PCDH11X: variants seen among roughly 807,000 people sequenced by gnomAD.
PCDH11X encodes the protein protocadherin-11 X-linked.
PCDH11X carries 18 observed loss-of-function variants against 53.3 expected under a neutral mutation model. The ratio of observed to expected loss-of-function variants is 0.34; its 90% confidence interval spans 0.23 to 0.50. The LOEUF (loss-of-function observed/expected upper bound fraction) is 0.50. PCDH11X is among the 20% of genes least tolerant of loss of function. The pLI is 0.98. For missense variants in PCDH11X, 570 were observed against 1,032.4 expected, an observed-to-expected ratio of 0.55 and a Z score of 6.14; for synonymous variants, 279 against 393.3, an observed-to-expected ratio of 0.71 and a Z score of 3.44.
intron 10 of PCDH11X, among the ~76,000 whole-genome samples, chrX:92,573,866 C>A (rs1191058969): frequency 1.8e-5 from 2 of 109,344 alleles, no homozygotes; most frequent in East Asian, 5.7e-4. Flanking sequence ...ATTGAACATT[C>A]CCTATTCCAC....
chrX:92,270,418 T>C (rs143586721), intron 8 of PCDH11X, among the ~76,000 whole-genome samples: 7,852 of 111,755 alleles, frequency 0.07, 475 homozygotes, highest in East Asian at 0.28. Context: ...GCCAACTGTG[T>C]CCAGCCAAAC....
intron 9 of PCDH11X, among the ~76,000 whole-genome samples, chrX:92,412,053 GA>G (rs1487352643): frequency 8.3e-5 from 7 of 84,370 alleles, no homozygotes; most frequent in Non-Finnish European, 1.5e-4. Context: ...GGAAGAGGAA[GA>G]GGGGGAAGAG....
rs1939776790 is a variant in PCDH11X at position 91,879,229 on chromosome X, C to G, written c.2989C>G (p.Pro997Ala). The stretch of plus-strand genomic sequence containing the variant: ...CTACAGCGTTTCTGACTGTGGCTAT[C>G]CAGTGACGACCTTCGAGGTACCTGT... ...DPYSVSDCGY[P>A]VTTFEVPVSV... The change falls in exon 6 of 11, where the codon CCA (proline) becomes GCA (alanine). Residue 997 changes from proline to alanine, a missense_variant. Transcript: ENST00000682573. 8.3e-7 allele frequency: 1 copy of G among 1,211,758 alleles called. No homozygotes were observed. The highest frequency in any genetic ancestry group is 1.7e-5 in the African/African-American group (1 of 57,806).
intron 10 of PCDH11X, among the ~76,000 whole-genome samples, chrX:92,545,434 C>T (rs2074835413): frequency 1.1e-5 from 1 of 92,477 alleles, no homozygotes; most frequent in South Asian, 5.6e-4. Flanking sequence ...CGGAGTCTCG[C>T]TCTGTCACCC....
At chrX:91,984,023 G>T (rs1043438229) in intron 6 of PCDH11X, among the ~76,000 whole-genome samples, 2 of 104,787 alleles carry the variant, frequency 1.9e-5, no homozygotes, top group Non-Finnish European at 3.9e-5. Context: ...TTGCTTTTCA[G>T]TTTTTTTACT....
At chrX:92,317,037 A>G (rs1603268795) in intron 8 of PCDH11X, among the ~76,000 whole-genome samples, 1 of 111,551 alleles carries the variant, frequency 9.0e-6, no homozygotes, top group Non-Finnish European at 1.9e-5. Context: ...GTCAAGGGGG[A>G]AAAAAACAGA....
At chrX:92,408,447 A>T (rs1346847412) in intron 9 of PCDH11X, among the ~76,000 whole-genome samples, 1 of 109,625 alleles carries the variant, frequency 9.1e-6, no homozygotes, top group Non-Finnish European at 1.9e-5. Flanking sequence ...TTGCCTTGTC[A>T]AGCTCATGTA....
intron 6 of PCDH11X, among the ~76,000 whole-genome samples, chrX:92,051,665 A>G (rs2063368910): frequency 8.9e-6 from 1 of 111,774 alleles, no homozygotes. Flanking sequence ...ATTGTATGAT[A>G]TTGGTCTCAA....
intron 6 of PCDH11X, among the ~76,000 whole-genome samples, chrX:92,138,459 T>TA (rs2065119684): frequency 9.0e-6 from 1 of 111,120 alleles, no homozygotes; most frequent in South Asian, 3.7e-4. Context: ...TTCTATAATT[T>TA]AAAAATTAAA....
chrX:92,543,622 C>T (rs902404735), intron 10 of PCDH11X, among the ~76,000 whole-genome samples: 1 of 110,294 alleles, frequency 9.1e-6, no homozygotes, highest in Non-Finnish European at 1.9e-5. Flanking sequence ...TGGTGGCTCA[C>T]GCCTGTAACT....
chrX:92,276,745 C>A (rs1219662778), intron 8 of PCDH11X, among the ~76,000 whole-genome samples: 1 of 111,494 alleles, frequency 9.0e-6, no homozygotes, highest in East Asian at 2.8e-4. Context: ...TATTTAATGT[C>A]GGGAGCAGAT....
At chrX:91,801,341 AAG>A (rs1322926508) in intron 1 of PCDH11X, among the ~76,000 whole-genome samples, 12 of 110,209 alleles carry the variant, frequency 1.1e-4, no homozygotes, top group African/African-American at 4.0e-4. Context: ...GTCAACAAAA[AAG>A]AGGGTCTTGA....
At chrX:92,579,681 T>C (rs997410644) in intron 10 of PCDH11X, among the ~76,000 whole-genome samples, 9 of 111,591 alleles carry the variant, frequency 8.1e-5, no homozygotes, top group African/African-American at 2.6e-4. Flanking sequence ...TGCATTGAAT[T>C]GGAACATACG....
chrX:91,835,260 T>G (rs1937252518), intron 4 of PCDH11X: 1 of 1,029,470 alleles, frequency 9.7e-7, no homozygotes, highest in Non-Finnish European at 1.3e-6. Context: ...AGGTATCTTA[T>G]TTCATTTATC....
At position 91,792,616 on chromosome X, in the gene PCDH11X, A is replaced by G. The variant is rs554540370; in HGVS notation, c.-379+12932A>G. Among the ~76,000 whole-genome samples, 11 of 111,476 alleles carry G rather than the reference A, an allele frequency of 9.9e-5. No individual in the cohort carries two copies. The South Asian group carries it at 4.1e-3, about 42-fold the overall frequency. On this transcript the variant is annotated intron_variant, in intron 1 of 10. Transcript: ENST00000682573. Reference sequence around the variant, plus strand: ...TAATAATATGATAGGATCACAAAAGAATTAGTAAGAACTTTAAAGGAAATG... The same window carrying G: ...TAATAATATGATAGGATCACAAAAGGATTAGTAAGAACTTTAAAGGAAATG...
chrX:92,370,686 T>G lies in PCDH11X; in HGVS notation c.3145-17049T>G, dbSNP rs745852100. Among the ~76,000 whole-genome samples, 23 of 110,648 alleles carry G rather than the reference T, an allele frequency of 2.1e-4. 1 individual carries two copies. The East Asian group carries it at 6.3e-3, about 30-fold the overall frequency. ...TGTTGGTCAGGCTGGTCTCGAACTC[T>G]TGACCTCGTGATCCGCCCGCCTCAG... On this transcript the variant is annotated intron_variant, in intron 8 of 10. Coordinates refer to ENST00000682573, the MANE Select transcript of PCDH11X (RefSeq NM_032968.5).
chrX:91,905,661 CTG>C (rs984082787), intron 6 of PCDH11X, among the ~76,000 whole-genome samples: 31 of 111,294 alleles, frequency 2.8e-4, no homozygotes, highest in African/African-American at 9.8e-4. Context: ...AATTAATAAA[CTG>C]TTTTTCAAGA....
intron 6 of PCDH11X, among the ~76,000 whole-genome samples, chrX:92,186,076 A>G (rs1334896317): frequency 8.9e-6 from 1 of 111,969 alleles, no homozygotes; most frequent in Non-Finnish European, 1.9e-5. Context: ...TTATAGCACT[A>G]TACATGATAG....
At chrX:92,081,711 AACACACACACAC>A (rs34848503) in intron 6 of PCDH11X, among the ~76,000 whole-genome samples, 3 of 100,839 alleles carry the variant, frequency 3.0e-5, no homozygotes, top group Non-Finnish European at 6.0e-5. Flanking sequence ...CTGAGCCAAT[AACACACACACAC>A]ACACACACAC....
Sources: gnomAD v4.1 joint callset for allele counts (sites outside exome capture counted in the v4.1 genomes callset) on GRCh38, gnomAD v4.1.1 for gene constraint, MANE v1.5 for transcripts, NCBI Gene and HGNC (gene_info 2026-07-23, HGNC 2026-07-21) for gene names.